The following VASP variants were observed in gnomAD, a reference collection of about 807,000 sequenced individuals.
VASP encodes vasodilator stimulated phosphoprotein, also known as vasodilator-stimulated phosphoprotein.
In VASP, 27 loss-of-function variants were observed where a neutral mutation model predicts 54.4. That is an observed-to-expected ratio of 0.50 (90% confidence interval 0.37 to 0.68). The LOEUF is 0.68. Ranked by LOEUF, VASP falls within the 30% of genes least tolerant of loss-of-function variation. The pLI, the probability that VASP is intolerant of heterozygous loss-of-function variation, is 0.00. For synonymous variants in VASP, 233 were observed against 209.8 expected, an observed-to-expected ratio of 1.11 and a Z score of -0.96; for missense variants, 488 against 528.3, an observed-to-expected ratio of 0.92 and a Z score of 0.75.
intron 1 of VASP, among the ~76,000 whole-genome samples, chr19:45,509,446 G>C (rs1968556099): frequency 6.6e-6 from 1 of 151,902 alleles, no homozygotes; most frequent in Non-Finnish European, 1.5e-5. Flanking sequence ...GCGGATGTCC[G>C]AGTTAGTGCT....
intron 3 of VASP, among the ~76,000 whole-genome samples, chr19:45,518,824 T>G (rs1968763813): frequency 1.3e-5 from 2 of 151,696 alleles, no homozygotes. Flanking sequence ...ACCACCATAC[T>G]TGGCTCTTTT....
Position 45,525,986 on chromosome 19 carries a change from AAG to A in VASP, c.1091_1092del (p.Glu364GlyfsTer4). The A allele has an allele frequency of 6.2e-7, 1 of 1,614,118 alleles. No individual in the cohort carries two copies. The highest frequency in any genetic ancestry group is 8.5e-7 in the Non-Finnish European group (1 of 1,180,028). Reference sequence around the variant, plus strand: ...GTGAAGAAGGAATTGCAGAAAGTGAAAGAGGAAATCATTGAAGGTGAGGTGGT... The same window carrying A: ...GTGAAGAAGGAATTGCAGAAAGTGAAAGGAAATCATTGAAGGTGAGGTGGT... On this transcript the variant is annotated frameshift_variant, in exon 12 of 13. Transcript: ENST00000245932. LOFTEE classifies it high-confidence loss of function.
chr19:45,525,236 G>C (rs1030303111), intron 11 of VASP, among the ~76,000 whole-genome samples: 1 of 151,918 alleles, frequency 6.6e-6, no homozygotes, highest in Non-Finnish European at 1.5e-5. Flanking sequence ...GGGCAACATC[G>C]GGAGACCCCC....
In VASP at chr19:45,522,185, C is replaced by T. The variant is rs1167491492; in HGVS notation, c.446C>T (p.Ser149Leu). ...EQQKRQQPGP[S>L]EHIERRVSNA... ...CCCCACAGGCAGCAGCCCGGCCCGT[C>T]GGAGCACATAGAGCGCCGGGTCTCC... Residue 149 changes from serine to leucine, a missense_variant, in exon 5 of 13, where the codon TCG becomes TTG. Ser to Leu is a moderately radical substitution (Grantham distance 145, BLOSUM62 -2). This residue lies in a region of VASP where 226 missense variants were observed against 196.0 expected (regional missense o/e 1.15). Coordinates refer to ENST00000245932, the MANE Select transcript of VASP (RefSeq NM_003370.4). 9 of 1,613,968 alleles carry T rather than the reference C, an allele frequency of 5.6e-6. No individual in the cohort carries two copies. The highest frequency in any genetic ancestry group is 1.3e-5 in the African/African-American group (1 of 74,932).
intron 1 of VASP, among the ~76,000 whole-genome samples, chr19:45,513,183 G>A (rs1038099375): frequency 9.2e-5 from 14 of 152,162 alleles, no homozygotes; most frequent in Non-Finnish European, 1.5e-4. Flanking sequence ...CAAGAAGAGT[G>A]TCTGGGACCC....
intron 1 of VASP, among the ~76,000 whole-genome samples, chr19:45,509,038 G>T (rs1439165871): frequency 2.0e-5 from 3 of 152,204 alleles, no homozygotes; most frequent in African/African-American, 7.2e-5. Flanking sequence ...CCCAGCCTGA[G>T]CAGGGAGGCC....
rs762309179 is a variant in VASP at position 45,517,826 on chromosome 19, G to A, written c.169G>A (p.Asp57Asn). 3.7e-6 allele frequency: 6 copies of A among 1,613,204 alleles called. No individual in the cohort carries two copies. The highest frequency in any genetic ancestry group is 2.2e-5 in the South Asian group (2 of 91,048). Reference protein sequence around the residue: ...FRVVGRKMQPDQQVVINCAIV... With the variant: ...FRVVGRKMQPNQQVVINCAIV... The stretch of plus-strand genomic sequence containing the variant: ...CGTCGTGGGCCGGAAGATGCAGCCC[G>A]ACCAGCAGGTGCAGCTTCCCGCCGG... Residue 57 changes from aspartate to asparagine, a missense_variant, in exon 2 of 13, where the codon GAC (aspartate) becomes AAC (asparagine). By Grantham distance (23) the Asp-to-Asn change is conservative. Transcript: ENST00000245932.
intron 1 of VASP, among the ~76,000 whole-genome samples, chr19:45,512,045 G>A (rs962649833): frequency 6.6e-6 from 1 of 152,112 alleles, no homozygotes; most frequent in African/African-American, 2.4e-5. Context: ...TGGAGGCTGG[G>A]AGGCTGAGGC....
At chr19:45,524,464 G>T in intron 10 of VASP, 106 bp from the exon 11 acceptor site, 1 of 1,162,606 alleles carries the variant, frequency 8.6e-7, no homozygotes. Flanking sequence ...ACTTGGACTT[G>T]CCCAATTTAT....
chr19:45,508,942 C>T (rs965362628), intron 1 of VASP, among the ~76,000 whole-genome samples: 7 of 152,160 alleles, frequency 4.6e-5, no homozygotes, highest in African/African-American at 1.7e-4. Flanking sequence ...CCTCCCCTGG[C>T]CCCCCATAAT....
At chr19:45,524,876 A>T (rs1439357847) in intron 11 of VASP, 2 of 474,150 alleles carry the variant, frequency 4.2e-6, no homozygotes, top group South Asian at 2.2e-5. Context: ...CGCTCATTCC[A>T]GATGAGTGCC....
At chr19:45,516,700 A>T (rs548258852) in intron 1 of VASP, among the ~76,000 whole-genome samples, 21 of 152,144 alleles carry the variant, frequency 1.4e-4, no homozygotes, top group African/African-American at 3.4e-4. Context: ...ATTTTTCATT[A>T]AAAAAGTTTT....
In VASP at chr19:45,523,989, G is replaced by A. The variant is rs963241243; in HGVS notation, c.911-108G>A. On this transcript the variant is annotated intron_variant, in intron 9 of 12. Transcript: ENST00000245932. ...AGGGCGAATGGTGCTGGGGATTGTAGTCTCCTGAGATGGGGCTTTGATCAG... is the reference window on the plus strand; with the variant it reads ...AGGGCGAATGGTGCTGGGGATTGTAATCTCCTGAGATGGGGCTTTGATCAG... 3 of 1,610,108 alleles carry A rather than the reference G, an allele frequency of 1.9e-6. No individual in the cohort carries two copies. In the Admixed American group the frequency reaches 5.0e-5, roughly 27 times the overall value.
chr19:45,507,483 T>A lies in VASP; in HGVS notation c.-289T>A. The A allele has an allele frequency of 2.1e-6, 1 of 468,648 alleles. No homozygotes were observed. The highest frequency in any genetic ancestry group is 3.2e-5 in the South Asian group (1 of 30,960). 29.0% of individuals were successfully genotyped at this position (468,648 alleles called of 1,614,324 possible). A position where few individuals can be genotyped will look rare whatever the true frequency, so the allele number is the denominator to read the frequency against. On this transcript the variant is annotated 5_prime_UTR_variant, in exon 1 of 13. Coordinates refer to ENST00000245932, the MANE Select transcript of VASP (RefSeq NM_003370.4). This position sits in a 1 kb window ranked among gnomAD's most constrained non-coding sequence, Gnocchi z 4.4. The stretch of plus-strand genomic sequence containing the variant: ...CGAAATGTAACGAAGAGAAGTACAG[T>A]AGTAAGAGTAACACTGTAGCCGCCA...
chr19:45,524,966 T>C (rs1030399418), intron 11 of VASP: 12 of 308,244 alleles, frequency 3.9e-5, no homozygotes, highest in South Asian at 3.8e-4. Context: ...TTGCCAACCT[T>C]GGTACTGGAT....
intron 8 of VASP, 67 bp downstream of exon 8, chr19:45,523,762 G>A (rs1968896716): frequency 3.7e-6 from 6 of 1,613,928 alleles, no homozygotes; most frequent in Non-Finnish European, 5.1e-6. Context: ...ATAGTGGGAT[G>A]TGTGGGGTTT....
chr19:45,512,462 A>G (rs1191238287), intron 1 of VASP, among the ~76,000 whole-genome samples: 1 of 149,456 alleles, frequency 6.7e-6, no homozygotes, highest in African/African-American at 2.5e-5. Context: ...AAATTTTTCT[A>G]TTTTTAGTAG....
chr19:45,521,440 G>C, intron 4 of VASP, 34 bp downstream of exon 4: 1 of 1,487,696 alleles, frequency 6.7e-7, no homozygotes, highest in Non-Finnish European at 9.0e-7. Flanking sequence ...AACCTTAGCC[G>C]CTGCCAGAGT....
intron 1 of VASP, among the ~76,000 whole-genome samples, chr19:45,516,939 C>T (rs888620669): frequency 4.6e-5 from 5 of 107,720 alleles, no homozygotes; most frequent in Non-Finnish European, 8.6e-5. Flanking sequence ...GCAGAGGTTG[C>T]GGTGAGCCGA....
Sources: allele counts gnomAD v4.1 joint callset (sites outside exome capture counted in the v4.1 genomes callset), GRCh38; gene constraint gnomAD v4.1.1; regional missense constraint gnomAD v4.1.1; non-coding constraint Gnocchi (gnomAD v3.1); transcripts MANE v1.5; gene names NCBI Gene and HGNC (gene_info 2026-07-23, HGNC 2026-07-21).